The following GPC5 variants were observed in gnomAD, a reference collection of about 807,000 sequenced individuals.
GPC5 encodes the protein glypican-5.
Under a neutral mutation model 53.9 loss-of-function variants are expected in GPC5, and 47 were observed. The ratio of observed to expected loss-of-function variants is 0.87; its 90% CI spans 0.69 to 1.11. The LOEUF (loss-of-function observed/expected upper bound fraction) is 1.11. Ranked by LOEUF, GPC5 falls within the 50% of genes most tolerant of loss-of-function variation. The pLI is 0.00. For missense variants in GPC5, 748 were observed against 713.1 expected (o/e 1.05, Z -0.56); for synonymous variants, 286 against 263.3 (o/e 1.09, Z -0.84).
chr13:91,996,410 A>G (rs1223194384), intron 6 of GPC5: 1 of 152,254 alleles, frequency 6.6e-6, no homozygotes, highest in Non-Finnish European at 1.5e-5. Context: ...GCAGAACAGA[A>G]CATACTCATA....
intron 2 of GPC5, among the ~76,000 whole-genome samples, chr13:91,527,731 G>T (rs997383610): frequency 1.3e-5 from 2 of 152,220 alleles, no homozygotes; most frequent in African/African-American, 4.8e-5. Context: ...TGGACATCCA[G>T]GCATTTCCAT....
rs79352186 is a variant in GPC5, at chr13:91,512,247, C to T, written c.325+63325C>T. ...GCAAATTTCTCTGCTTTACGTAGTG[C>T]AGCTGGTAGTATTTGGAGAACTTGG... On this transcript the variant is annotated intron_variant, in intron 2 of 7. Transcript: ENST00000377067. Among the ~76,000 whole-genome samples, 1,453 of 152,308 alleles carry T rather than the reference C, an allele frequency of 9.5e-3. 49 individuals carry two copies. The East Asian group carries it at 0.12, about 13-fold the overall frequency.
chr13:92,459,529 G>T (rs1293397067), intron 7 of GPC5, among the ~76,000 whole-genome samples: 2 of 152,150 alleles, frequency 1.3e-5, no homozygotes, highest in Non-Finnish European at 2.9e-5. Flanking sequence ...GTTCAAATAT[G>T]ACAAATTTTC....
chr13:92,648,812 A>G (rs1487789513), intron 7 of GPC5, among the ~76,000 whole-genome samples: 1 of 152,152 alleles, frequency 6.6e-6, no homozygotes, highest in Non-Finnish European at 1.5e-5. Context: ...AAACTGGGGC[A>G]TGTCATTTTT....
chr13:92,489,239 T>G (rs1230805841), intron 7 of GPC5, among the ~76,000 whole-genome samples: 1 of 152,202 alleles, frequency 6.6e-6, no homozygotes. Flanking sequence ...ACATTTTACC[T>G]ATGTCCATTC....
At chr13:91,761,398 C>G (rs1409409728) in intron 5 of GPC5, among the ~76,000 whole-genome samples, 1 of 152,064 alleles carries the variant, frequency 6.6e-6, no homozygotes, top group Non-Finnish European at 1.5e-5. Context: ...GCATCCAAAA[C>G]CAGATGAGTG....
chr13:92,392,904 A>G (rs1044063121), intron 7 of GPC5, among the ~76,000 whole-genome samples: 5 of 152,138 alleles, frequency 3.3e-5, no homozygotes, highest in African/African-American at 1.2e-4. Flanking sequence ...AAATAACAGA[A>G]TATTTTGAGC....
At chr13:91,814,331 T>C (rs543281747) in intron 5 of GPC5, among the ~76,000 whole-genome samples, 1 of 152,306 alleles carries the variant, frequency 6.6e-6, no homozygotes, top group Admixed American at 6.5e-5. Flanking sequence ...TGTCTCTCTC[T>C]GTATACATAG....
chr13:92,658,393 A>G (rs1886210475), intron 7 of GPC5, among the ~76,000 whole-genome samples: 1 of 152,152 alleles, frequency 6.6e-6, no homozygotes, highest in Admixed American at 6.6e-5. Context: ...CAAAATTTAG[A>G]GTTCTATGTA....
intron 7 of GPC5, among the ~76,000 whole-genome samples, chr13:92,357,811 G>A (rs2043534686): frequency 6.6e-6 from 1 of 151,432 alleles, no homozygotes; most frequent in African/African-American, 2.5e-5. Context: ...GTGCCCCCAT[G>A]ACCCAATCAC....
At chr13:92,840,256 A>G (rs948596869) in intron 7 of GPC5, among the ~76,000 whole-genome samples, 3 of 151,700 alleles carry the variant, frequency 2.0e-5, no homozygotes, top group East Asian at 1.9e-4. Context: ...CATTGTATGT[A>G]TATGTCACAT....
At chr13:92,256,313 C>T (rs1021163617) in intron 7 of GPC5, among the ~76,000 whole-genome samples, 21 of 151,742 alleles carry the variant, frequency 1.4e-4, no homozygotes, top group African/African-American at 4.1e-4. Flanking sequence ...TCTATGATCT[C>T]GAATATTTAT....
chr13:92,063,745 T>C (rs2041142730), intron 6 of GPC5, among the ~76,000 whole-genome samples: 1 of 152,152 alleles, frequency 6.6e-6, no homozygotes. Flanking sequence ...TGCTTAATGA[T>C]ATGACATGAA....
chr13:92,727,561 A>G (rs1034612847), intron 7 of GPC5, among the ~76,000 whole-genome samples: 2 of 151,364 alleles, frequency 1.3e-5, no homozygotes, highest in Non-Finnish European at 3.0e-5. Context: ...CTCGATAATA[A>G]TATTACAAGT....
chr13:91,915,022 A>G (rs548629001), intron 6 of GPC5, among the ~76,000 whole-genome samples: 4 of 152,158 alleles, frequency 2.6e-5, no homozygotes, highest in Non-Finnish European at 5.9e-5. Flanking sequence ...TCACTTGTAT[A>G]GACTCTTTCC....
chr13:92,142,510 A>G (rs2041838979), intron 6 of GPC5, among the ~76,000 whole-genome samples: 1 of 152,240 alleles, frequency 6.6e-6, no homozygotes, highest in Admixed American at 6.5e-5. Context: ...GAGGAAAAAA[A>G]TGGAGAAAAC....
In GPC5 at chr13:91,962,573, T is replaced by C. The variant is rs147575247; in HGVS notation, c.1401+54516T>C. Among the ~76,000 whole-genome samples the C allele has an allele frequency of 5.7e-3, 866 of 152,264 alleles. 6 individuals are homozygous for C. The highest frequency in any genetic ancestry group is 7.2e-3 in the Non-Finnish European group (487 of 67,992). On this transcript the variant is annotated intron_variant, in intron 6 of 7. Transcript: ENST00000377067. ...TTGCACAGTCTTAGTATTAGTTTAA[T>C]GTACCTATATATTCTCACCCATACC...
In GPC5 at chr13:91,674,711, A is replaced by G. The variant is rs777770996; in HGVS notation, c.326-18476A>G. Among the ~76,000 whole-genome samples, 51 of 148,136 alleles carry G rather than the reference A, an allele frequency of 3.4e-4. 1 individual carries two copies. The highest frequency in any genetic ancestry group is 1.5e-4 in the Non-Finnish European group (10 of 67,142). On this transcript the variant is annotated intron_variant, in intron 2 of 7. Transcript: ENST00000377067. The stretch of plus-strand genomic sequence containing the variant: ...GTATATATATGTATATATATTAATT[A>G]TATATATATATGTCTCAGAGCTTTA...
intron 6 of GPC5, among the ~76,000 whole-genome samples, chr13:92,136,552 G>C (rs2041786138): frequency 6.6e-6 from 1 of 151,952 alleles, no homozygotes; most frequent in Non-Finnish European, 1.5e-5. Flanking sequence ...CATTTGAATG[G>C]GTGACTAGAG....
Sources: allele counts gnomAD v4.1 joint callset (sites outside exome capture counted in the v4.1 genomes callset), GRCh38; gene constraint gnomAD v4.1.1; transcripts MANE v1.5; gene names NCBI Gene and HGNC (gene_info 2026-07-23, HGNC 2026-07-21).